Variants in ITGA8 observed in about 807,000 individuals in gnomAD.
ITGA8 encodes the protein integrin alpha-8.
A neutral mutation model predicts 142.3 loss-of-function variants in ITGA8; 91 were observed. The observed-to-expected ratio is 0.64, with a 90% confidence interval of 0.54 to 0.76. The LOEUF (loss-of-function observed/expected upper bound fraction) is 0.76. ITGA8 is among the 30% of genes least tolerant of loss of function. The pLI is 0.00. For synonymous variants in ITGA8, 505 were observed against 485.2 expected (o/e 1.04, Z -0.54); for missense variants, 1,406 against 1,327.7 (o/e 1.06, Z -0.92).
intron 1 of ITGA8, among the ~76,000 whole-genome samples, chr10:15,719,217 A>G (rs1483105111): frequency 2.6e-5 from 4 of 152,174 alleles, no homozygotes; most frequent in Non-Finnish European, 5.9e-5. Flanking sequence ...CCCAGACGCA[A>G]TGGTTACAGA....
chr10:15,575,603 T>G lies in ITGA8; in HGVS notation c.2373-9A>C. On this transcript the variant is annotated splice_polypyrimidine_tract_variant and intron_variant, in intron 23 of 29. Transcript: ENST00000378076. ...GCGGAGGGTGTGACACTCTGAAACA[T>G]GAAATGTCCTGTTAATTGTTAGCAA... 1 of 1,602,666 alleles carries G rather than the reference T, an allele frequency of 6.2e-7. No homozygotes were observed. Among genetic ancestry groups the G allele is most frequent in the Non-Finnish European group, 8.5e-7 (1 of 1,169,732 alleles).
Position 15,659,064 on chromosome 10 carries a change from A to C in ITGA8, c.892-9T>G. 1 of 1,599,922 alleles carries C rather than the reference A, an allele frequency of 6.3e-7. No homozygotes were observed. Among genetic ancestry groups the C allele is most frequent in the Non-Finnish European group, 8.5e-7 (1 of 1,169,790 alleles). ...GAGTTAATGATGGAAACCTGAAATC[A>C]CAGAAATTAAACAGGTTACACCATT... On this transcript the variant is annotated splice_polypyrimidine_tract_variant and intron_variant, in intron 9 of 29. Coordinates refer to ENST00000378076, the MANE Select transcript of ITGA8 (RefSeq NM_003638.3).
chr10:15,712,262 A>T (rs976142292), intron 2 of ITGA8, among the ~76,000 whole-genome samples: 1 of 152,202 alleles, frequency 6.6e-6, no homozygotes, highest in South Asian at 2.1e-4. Flanking sequence ...ACCAATAATT[A>T]GTCTTTCAGC....
intron 2 of ITGA8, among the ~76,000 whole-genome samples, chr10:15,691,766 T>C (rs1834938799): frequency 6.6e-6 from 1 of 152,138 alleles, no homozygotes; most frequent in African/African-American, 2.4e-5. Context: ...GAGTAAATTA[T>C]GGAGATTTAT....
At chr10:15,679,608 A>G (rs1834698475) in intron 4 of ITGA8, among the ~76,000 whole-genome samples, 1 of 152,218 alleles carries the variant, frequency 6.6e-6, no homozygotes. Context: ...AAAACAAATT[A>G]TCCTATTATA....
At chr10:15,580,512 G>A (rs7093713) in intron 23 of ITGA8, among the ~76,000 whole-genome samples, 28,625 of 151,882 alleles carry the variant, frequency 0.19, 3,875 homozygotes, top group East Asian at 0.4. Context: ...TCTTACGAAC[G>A]TAGATGTAAA....
At chr10:15,531,276 TTCTC>T (rs1163452019) in intron 27 of ITGA8, 125 bp from the exon 28 acceptor site, 1 of 491,598 alleles carries the variant, frequency 2.0e-6, no homozygotes, top group African/African-American at 2.0e-5. Context: ...CTTTTTAATT[TTCTC>T]TCTTTTAACT....
At chr10:15,606,146 G>A in intron 18 of ITGA8, 139 bp downstream of exon 18, 1 of 716,406 alleles carries the variant, frequency 1.4e-6, no homozygotes, top group Non-Finnish European at 2.3e-6. Flanking sequence ...CAGGAAACAT[G>A]GTAGGAAAAC....
intron 6 of ITGA8, among the ~76,000 whole-genome samples, chr10:15,675,699 A>G (rs1466385155): frequency 6.6e-6 from 1 of 152,208 alleles, no homozygotes; most frequent in Non-Finnish European, 1.5e-5. Flanking sequence ...AACTCACTTC[A>G]TAGTTTGTCA....
At chr10:15,660,811 T>G (rs1834270482) in intron 9 of ITGA8, 68 bp downstream of exon 9, 1 of 1,237,258 alleles carries the variant, frequency 8.1e-7, no homozygotes, top group African/African-American at 1.5e-5. Flanking sequence ...TTTATTCAGA[T>G]GTAATTCCAT....
chr10:15,577,483 C>T lies in ITGA8; in HGVS notation c.2373-1889G>A, dbSNP rs192377120. On this transcript the variant is annotated intron_variant, in intron 23 of 29. Coordinates refer to ENST00000378076, the MANE Select transcript of ITGA8 (RefSeq NM_003638.3). Reference sequence around the variant, plus strand: ...AAGCTGCAGTGGTATTTAGTGAAGACGACTTAAACTTCCTGGCACAGTTCT... The same window carrying T: ...AAGCTGCAGTGGTATTTAGTGAAGATGACTTAAACTTCCTGGCACAGTTCT... 4.3e-3 allele frequency among the ~76,000 whole-genome samples: 650 copies of T among 152,030 alleles called. 3 individuals carry two copies. The highest frequency in any genetic ancestry group is 0.015 in the African/African-American group (607 of 41,468).
chr10:15,651,717 G>C (rs1303816354), intron 11 of ITGA8, among the ~76,000 whole-genome samples: 1 of 152,074 alleles, frequency 6.6e-6, no homozygotes, highest in African/African-American at 2.4e-5. Context: ...TGTGCGTGCA[G>C]GGAAGTCCTC....
rs12252108 is a variant in ITGA8, at chr10:15,673,965, T to C, written c.677-1216A>G. Among the ~76,000 whole-genome samples, 967 of 152,340 alleles carry C rather than the reference T, an allele frequency of 6.3e-3. 7 individuals carry two copies. Among genetic ancestry groups the C allele is most frequent in the Middle Eastern group, 0.037 (11 of 294 alleles). ...GGACATCTAAGGCAAAAGTGTGATA[T>C]CATGCTCTTTGGCAGAAAACTGAAG... On this transcript the variant is annotated intron_variant, in intron 6 of 29. Coordinates refer to ENST00000378076, the MANE Select transcript of ITGA8 (RefSeq NM_003638.3).
chr10:15,606,043 C>A (rs575668048), intron 18 of ITGA8, among the ~76,000 whole-genome samples: 11 of 152,312 alleles, frequency 7.2e-5, no homozygotes, highest in Admixed American at 1.3e-4. Context: ...GGATTACAGG[C>A]TGTATTGCTT....
chr10:15,612,375 C>G (rs992339610), intron 15 of ITGA8, among the ~76,000 whole-genome samples: 1 of 152,168 alleles, frequency 6.6e-6, no homozygotes, highest in South Asian at 2.1e-4. Flanking sequence ...GTGGTTAGTT[C>G]TGCAATTCTG....
chr10:15,637,253 T>C (rs771982670), intron 13 of ITGA8, among the ~76,000 whole-genome samples: 9 of 152,178 alleles, frequency 5.9e-5, no homozygotes, highest in Non-Finnish European at 1.3e-4. Context: ...TCATATTCTG[T>C]TCATGATCAG....
chr10:15,538,027 C>A (rs763096051), intron 27 of ITGA8, among the ~76,000 whole-genome samples: 22 of 151,892 alleles, frequency 1.4e-4, no homozygotes, highest in Non-Finnish European at 2.5e-4. Flanking sequence ...TAGTCCCAGA[C>A]AATCAGAAGG....
chr10:15,557,154 G>A (rs1833901887), intron 26 of ITGA8, among the ~76,000 whole-genome samples: 1 of 152,214 alleles, frequency 6.6e-6, no homozygotes, highest in Non-Finnish European at 1.5e-5. Flanking sequence ...GATGAGGCAG[G>A]CAGATCACTT....
Position 15,696,249 on chromosome 10 carries a change from C to T in ITGA8, c.344-8211G>A, listed in dbSNP as rs139479313. On this transcript the variant is annotated intron_variant, in intron 2 of 29. Transcript: ENST00000378076. ...GAGCCTCTCAGCATATCACAAACTACGGAGAAAGCAAAGGCAAAAGCTCAG... is the reference window on the plus strand; with the variant it reads ...GAGCCTCTCAGCATATCACAAACTATGGAGAAAGCAAAGGCAAAAGCTCAG... Among the ~76,000 whole-genome samples the T allele has an allele frequency of 1.5e-4, 23 of 152,238 alleles. No individual in the cohort carries two copies. In the East Asian group the frequency reaches 3.9e-3, roughly 26 times the overall value.
Sources: gnomAD v4.1 joint callset for allele counts (sites outside exome capture counted in the v4.1 genomes callset) on GRCh38, gnomAD v4.1.1 for gene constraint, MANE v1.5 for transcripts, NCBI Gene and HGNC (gene_info 2026-07-23, HGNC 2026-07-21) for gene names.